Variants in DTWD2 observed in about 807,000 individuals in gnomAD.
The protein encoded by DTWD2 is DTW motif tRNA-uridine aminocarboxypropyltransferase 2.
A neutral mutation model predicts 31.8 loss-of-function variants in DTWD2; 39 were observed. That is an observed-to-expected ratio of 1.22 (90% confidence interval 0.95 to 1.60). The LOEUF is 1.60. DTWD2 is among the 40% of genes most tolerant of loss of function. The pLI is 0.00. For missense variants in DTWD2, 515 were observed against 381.5 expected (o/e 1.35, Z -2.92); for synonymous variants, 180 against 142.8 (o/e 1.26, Z -1.86).
intron 4 of DTWD2, among the ~76,000 whole-genome samples, chr5:118,874,002 C>A (rs1027233012): frequency 1.3e-5 from 2 of 152,180 alleles, no homozygotes; most frequent in African/African-American, 4.8e-5. Context: ...GCAGTGGATT[C>A]CAAGGCTTAA....
At chr5:118,845,016 A>G (rs1037111428) in intron 5 of DTWD2, among the ~76,000 whole-genome samples, 3 of 152,032 alleles carry the variant, frequency 2.0e-5, no homozygotes, top group African/African-American at 7.2e-5. Flanking sequence ...GCATGGTGGT[A>G]TGCACCTGTA....
At chr5:118,932,399 G>A (rs1205541239) in intron 3 of DTWD2, among the ~76,000 whole-genome samples, 2 of 150,694 alleles carry the variant, frequency 1.3e-5, no homozygotes, top group African/African-American at 4.9e-5. Context: ...AAAAGAAAGA[G>A]TAAAACCTAA....
intron 4 of DTWD2, among the ~76,000 whole-genome samples, chr5:118,872,226 C>G (rs1238732338): frequency 6.6e-6 from 1 of 152,188 alleles, no homozygotes; most frequent in African/African-American, 2.4e-5. Context: ...TTCTCCCTAT[C>G]AGCAATAAGG....
At chr5:118,883,154 C>T (rs1294119621) in intron 4 of DTWD2, among the ~76,000 whole-genome samples, 3 of 152,190 alleles carry the variant, frequency 2.0e-5, no homozygotes, top group African/African-American at 7.2e-5. Context: ...AAAAGTTCCA[C>T]AGATCTCTAG....
At chr5:118,885,924 C>T (rs1339672574) in intron 4 of DTWD2, among the ~76,000 whole-genome samples, 1 of 151,980 alleles carries the variant, frequency 6.6e-6, no homozygotes, top group Non-Finnish European at 1.5e-5. Context: ...GTGATCACAC[C>T]ACTACACCCC....
chr5:118,890,471 T>C (rs528266323), intron 4 of DTWD2, among the ~76,000 whole-genome samples: 1 of 152,180 alleles, frequency 6.6e-6, no homozygotes, highest in African/African-American at 2.4e-5. Context: ...AAACTCCTGA[T>C]TTCATGAGTT....
chr5:118,964,564 C>T (rs962961825), intron 1 of DTWD2, among the ~76,000 whole-genome samples: 4 of 152,326 alleles, frequency 2.6e-5, no homozygotes, highest in Admixed American at 6.5e-5. Flanking sequence ...CTCAGCCTGC[C>T]GAATGCCTGC....
intron 4 of DTWD2, among the ~76,000 whole-genome samples, chr5:118,917,835 C>T (rs550569583): frequency 7.9e-5 from 12 of 151,966 alleles, no homozygotes; most frequent in South Asian, 2.1e-4. Flanking sequence ...AGTAGTAGTG[C>T]GTGACTATAA....
chr5:118,908,284 G>C (rs962834061), intron 4 of DTWD2, among the ~76,000 whole-genome samples: 4 of 152,148 alleles, frequency 2.6e-5, no homozygotes, highest in Admixed American at 2.0e-4. Context: ...AGTGATACGG[G>C]TGAGTTCCCT....
chr5:118,842,234 T>C (rs543501176), intron 5 of DTWD2, among the ~76,000 whole-genome samples: 1 of 152,324 alleles, frequency 6.6e-6, no homozygotes, highest in East Asian at 1.9e-4. Flanking sequence ...TTAAAATAAT[T>C]CAAATTATAT....
chr5:118,885,635 T>C (rs911245251), intron 4 of DTWD2, among the ~76,000 whole-genome samples: 4 of 150,812 alleles, frequency 2.7e-5, no homozygotes, highest in Non-Finnish European at 5.9e-5. Context: ...CGTGGTGGCA[T>C]GCACCTGTAA....
intron 4 of DTWD2, among the ~76,000 whole-genome samples, chr5:118,913,851 T>C (rs1753515083): frequency 6.6e-6 from 1 of 152,130 alleles, no homozygotes; most frequent in African/African-American, 2.4e-5. Context: ...ATAAACTTGA[T>C]AAAATACAAC....
intron 4 of DTWD2, among the ~76,000 whole-genome samples, chr5:118,907,510 C>A (rs1753361375): frequency 6.6e-6 from 1 of 152,140 alleles, no homozygotes; most frequent in South Asian, 2.1e-4. Flanking sequence ...GCGGGCAGAT[C>A]ACTTGAGGTC....
chr5:118,903,685 CATT>C (rs1753265449), intron 4 of DTWD2, among the ~76,000 whole-genome samples: 1 of 151,788 alleles, frequency 6.6e-6, no homozygotes. Context: ...GTATTACAAA[CATT>C]ATGTTCCGTC....
intron 4 of DTWD2, among the ~76,000 whole-genome samples, chr5:118,873,502 C>G (rs767908827): frequency 6.6e-6 from 1 of 152,188 alleles, no homozygotes; most frequent in Non-Finnish European, 1.5e-5. Flanking sequence ...AGCCTGCATG[C>G]GGCTTCTTCA....
chr5:118,962,864 C>A (rs146740056), intron 1 of DTWD2, among the ~76,000 whole-genome samples: 1 of 152,332 alleles, frequency 6.6e-6, no homozygotes, highest in Non-Finnish European at 1.5e-5. Flanking sequence ...GGGGCTAGAG[C>A]TTGGTTCTGT....
intron 4 of DTWD2, among the ~76,000 whole-genome samples, chr5:118,891,584 A>G (rs1752978426): frequency 6.6e-6 from 1 of 152,214 alleles, no homozygotes; most frequent in South Asian, 2.1e-4. Context: ...AATGCAAGCA[A>G]TTAGAGGCTT....
intron 4 of DTWD2, among the ~76,000 whole-genome samples, chr5:118,883,973 T>C (rs1183394771): frequency 6.6e-6 from 1 of 152,210 alleles, no homozygotes; most frequent in East Asian, 1.9e-4. Flanking sequence ...CAGAATAGTG[T>C]AGTTCAAAAT....
At chr5:118,945,774 A>AAAAG (rs56103316) in intron 1 of DTWD2, among the ~76,000 whole-genome samples, 2,516 of 134,282 alleles carry the variant, frequency 0.019, 24 homozygotes, top group Middle Eastern at 0.06. Flanking sequence ...CAAAAAAAAA[A>AAAAG]AAAGAAAGAA....
Sources: allele counts gnomAD v4.1 joint callset (sites outside exome capture counted in the v4.1 genomes callset), GRCh38; gene constraint gnomAD v4.1.1; transcripts MANE v1.5; gene names NCBI Gene and HGNC (gene_info 2026-07-23, HGNC 2026-07-21).